CCDC144A: variants seen among roughly 807,000 people sequenced by gnomAD.
The protein encoded by CCDC144A is coiled-coil domain containing 144A, also known as coiled-coil domain-containing protein 144A.
Under a neutral mutation model 143.8 loss-of-function variants are expected in CCDC144A, and 41 were observed. The ratio of observed to expected loss-of-function variants is 0.29; its 90% CI spans 0.22 to 0.37. The LOEUF (loss-of-function observed/expected upper bound fraction) is 0.37. Ranked by LOEUF, CCDC144A falls within the 10% of genes least tolerant of loss-of-function variation. The probability of loss-of-function intolerance (pLI) is 1.00; values close to 1 mark genes in which losing one functional copy is unlikely to be tolerated. For synonymous variants in CCDC144A, 242 were observed against 517.9 expected (o/e 0.47, Z 7.23); for missense variants, 637 against 1,488.8 (o/e 0.43, Z 9.41).
At chr17:16,757,619 CT>C (rs1415196842) in intron 12 of CCDC144A, among the ~76,000 whole-genome samples, 3 of 152,234 alleles carry the variant, frequency 2.0e-5, no homozygotes, top group Non-Finnish European at 4.4e-5. Context: ...GGCGCCACCC[CT>C]GGTGGGCTTG....
chr17:16,703,739 C>T (rs1597537777), intron 2 of CCDC144A, among the ~76,000 whole-genome samples: 1 of 152,058 alleles, frequency 6.6e-6, no homozygotes, highest in African/African-American at 2.4e-5. Context: ...GCAGGTGGAG[C>T]TTGCAGTGAG....
chr17:16,720,796 T>C, intron 8 of CCDC144A, 138 bp downstream of exon 8: 2 of 1,420,666 alleles, frequency 1.4e-6, no homozygotes, highest in Non-Finnish European at 1.9e-6. Flanking sequence ...TAACTTATAC[T>C]CTACGCCAAA....
chr17:16,696,738 C>G (rs1459341774), intron 2 of CCDC144A, among the ~76,000 whole-genome samples: 2 of 151,778 alleles, frequency 1.3e-5, no homozygotes, highest in East Asian at 1.9e-4. Flanking sequence ...GCTATAAATA[C>G]TAGATGACCT....
At chr17:16,688,498 T>TTG (rs1480000529), upstream of CCDC144A, among the ~76,000 whole-genome samples, 1 of 142,486 alleles carries the variant, frequency 7.0e-6, no homozygotes, top group African/African-American at 2.6e-5. Flanking sequence ...TTTTTTTTTT[T>TTG]TTTTTTTTTG....
intron 3 of CCDC144A, chr17:16,705,900 A>G: frequency 6.1e-6 from 1 of 164,018 alleles, no homozygotes; most frequent in Non-Finnish European, 1.3e-5. Flanking sequence ...CAATATGGTG[A>G]AACCCCATCT....
chr17:16,714,974 T>G (rs1033923524), intron 6 of CCDC144A, among the ~76,000 whole-genome samples: 1 of 152,252 alleles, frequency 6.6e-6, no homozygotes, highest in African/African-American at 2.4e-5. Flanking sequence ...TTTCCTCAGA[T>G]AGCCTCCTGG....
chr17:16,685,331 C>T (rs1052739031), upstream of CCDC144A, among the ~76,000 whole-genome samples: 1 of 151,254 alleles, frequency 6.6e-6, no homozygotes, highest in African/African-American at 2.4e-5. Flanking sequence ...ATTTCTTTTC[C>T]ATGCCTTTTT....
At chr17:16,671,073 A>G in the CCDC144A span, among the ~76,000 whole-genome samples, 1 of 151,528 alleles carries the variant, frequency 6.6e-6, no homozygotes, top group African/African-American at 2.4e-5. Flanking sequence ...TGCAACCTCC[A>G]CTTGCTGAGT....
chr17:16,748,924 T>TA, intron 12 of CCDC144A, among the ~76,000 whole-genome samples: 1 of 152,290 alleles, frequency 6.6e-6, no homozygotes. Context: ...GGATTGGTTG[T>TA]AATGTCGTCT....
intron 16 of CCDC144A, among the ~76,000 whole-genome samples, chr17:16,773,241 G>A (rs1464744456): frequency 6.6e-6 from 1 of 151,862 alleles, no homozygotes; most frequent in Non-Finnish European, 1.5e-5. Flanking sequence ...TGGAGCCCAG[G>A]AGTTTGAGAG....
At chr17:16,771,780 C>T (rs1311739574) in intron 15 of CCDC144A, among the ~76,000 whole-genome samples, 197 bp from the exon 16 acceptor site, 1 of 152,248 alleles carries the variant, frequency 6.6e-6, no homozygotes, top group African/African-American at 2.4e-5. Context: ...TTAATCTAAA[C>T]AGCATAACAC....
At chr17:16,681,887 G>A in the CCDC144A span, among the ~76,000 whole-genome samples, 1 of 150,742 alleles carries the variant, frequency 6.6e-6, no homozygotes, top group Non-Finnish European at 1.5e-5. Flanking sequence ...GTTATGATAC[G>A]GCTTGGAATT....
chr17:16,674,716 A>G, the CCDC144A span, among the ~76,000 whole-genome samples: 1 of 152,136 alleles, frequency 6.6e-6, no homozygotes, highest in Non-Finnish European at 1.5e-5. Flanking sequence ...AACCAACAAT[A>G]TGATAAACTT....
At position 16,745,568 on chromosome 17, in the gene CCDC144A, G is replaced by C. The variant is rs545431254; in HGVS notation, c.3372+9925G>C. Reference sequence around the variant, plus strand: ...AAGTTCTCCTTCCCAGTCACACTCGGGGTCATTTACACGTTTCTGGGATGC... The same window carrying C: ...AAGTTCTCCTTCCCAGTCACACTCGCGGTCATTTACACGTTTCTGGGATGC... On this transcript the variant is annotated intron_variant, in intron 12 of 16. Coordinates refer to ENST00000399273, the MANE Select transcript of CCDC144A (RefSeq NM_001382000.1). The C allele has an allele frequency of 6.9e-6, 10 of 1,442,312 alleles. No homozygotes were observed. In the African/African-American group the frequency reaches 1.4e-4, roughly 20 times the overall value. 89.3% of individuals were successfully genotyped at this position (1,442,312 alleles called of 1,614,324 possible).
chr17:16,769,946 G>A (rs1365484423), intron 15 of CCDC144A, among the ~76,000 whole-genome samples: 2 of 151,402 alleles, frequency 1.3e-5, no homozygotes, highest in African/African-American at 4.9e-5. Context: ...TCCTGCCTCA[G>A]CCTCCTGAGT....
chr17:16,754,558 C>T (rs1454154103), intron 12 of CCDC144A, among the ~76,000 whole-genome samples: 1 of 152,238 alleles, frequency 6.6e-6, no homozygotes, highest in African/African-American at 2.4e-5. Context: ...TGCATTTGTA[C>T]AGTTTACAAA....
At chr17:16,752,576 C>T (rs1000041112) in intron 12 of CCDC144A, among the ~76,000 whole-genome samples, 1 of 135,102 alleles carries the variant, frequency 7.4e-6, no homozygotes, top group Non-Finnish European at 1.6e-5. Flanking sequence ...GTCTTCTGGT[C>T]TCATGGGGTT....
intron 12 of CCDC144A, among the ~76,000 whole-genome samples, chr17:16,737,839 T>C (rs2143262889): frequency 6.6e-6 from 1 of 152,304 alleles, no homozygotes; most frequent in South Asian, 2.1e-4. Flanking sequence ...TCTTAACCTC[T>C]GGCTTTCATT....
chr17:16,677,382 A>G, the CCDC144A span, among the ~76,000 whole-genome samples: 1 of 152,146 alleles, frequency 6.6e-6, no homozygotes, highest in African/African-American at 2.4e-5. Context: ...GCAAATACTT[A>G]TAGAAGGTTA....
Sources: allele counts gnomAD v4.1 joint callset (sites outside exome capture counted in the v4.1 genomes callset), GRCh38; gene constraint gnomAD v4.1.1; transcripts MANE v1.5; gene names NCBI Gene and HGNC (gene_info 2026-07-23, HGNC 2026-07-21).